ENTREP2: variants seen among roughly 807,000 people sequenced by gnomAD.
ENTREP2 encodes the protein endosomal transmembrane epsin interactor 2, also known as protein ENTREP2.
chr15:29,149,948 A>T, the ENTREP2 span, among the ~76,000 whole-genome samples: 1 of 152,200 alleles, frequency 6.6e-6, no homozygotes, highest in East Asian at 1.9e-4. Context: ...AGGAAACAAC[A>T]GGGCTTCTGA....
At chr15:29,242,359 G>A in the ENTREP2 span, among the ~76,000 whole-genome samples, 26 of 152,230 alleles carry the variant, frequency 1.7e-4, no homozygotes, top group African/African-American at 5.5e-4. Context: ...GTGAGCCACT[G>A]CACCTGGCCA....
chr15:29,647,281 C>T, the ENTREP2 span, among the ~76,000 whole-genome samples: 38 of 152,302 alleles, frequency 2.5e-4, no homozygotes, highest in Non-Finnish European at 4.3e-4. Flanking sequence ...ACTCTAATGT[C>T]CTCTGAAAGC....
chr15:29,634,580 G>C, the ENTREP2 span, among the ~76,000 whole-genome samples: 21 of 152,288 alleles, frequency 1.4e-4, no homozygotes, highest in African/African-American at 4.6e-4. Context: ...ACACCAGCTG[G>C]GTATCCCCCA....
At chr15:29,245,293 G>A in the ENTREP2 span, among the ~76,000 whole-genome samples, 2,999 of 152,148 alleles carry the variant, frequency 0.02, 46 homozygotes, top group Non-Finnish European at 0.029. Flanking sequence ...CTATAAAAGT[G>A]TAGTAACATT....
chr15:29,648,121 G>C, the ENTREP2 span, among the ~76,000 whole-genome samples: 1 of 152,088 alleles, frequency 6.6e-6, no homozygotes, highest in Admixed American at 6.6e-5. Flanking sequence ...CGCCCATTTG[G>C]CACATTTCCT....
At chr15:29,309,778 G>A in the ENTREP2 span, among the ~76,000 whole-genome samples, 8 of 131,942 alleles carry the variant, frequency 6.1e-5, no homozygotes, top group African/African-American at 2.6e-4. Context: ...GACAGAGTAA[G>A]ACTCTGTCTC....
At chr15:29,274,273 A>C in the ENTREP2 span, among the ~76,000 whole-genome samples, 1 of 152,192 alleles carries the variant, frequency 6.6e-6, no homozygotes, top group Non-Finnish European at 1.5e-5. Context: ...AGGCATGTGC[A>C]TTTATTATGT....
chr15:29,617,008 C>T, the ENTREP2 span, among the ~76,000 whole-genome samples: 1 of 152,056 alleles, frequency 6.6e-6, no homozygotes, highest in Non-Finnish European at 1.5e-5. Context: ...TGCAGTGAGC[C>T]GAGATCATGC....
chr15:29,122,809 A>G, the ENTREP2 span: 1 of 153,500 alleles, frequency 6.5e-6, no homozygotes, highest in Non-Finnish European at 1.4e-5. Context: ...AACACTACCT[A>G]TTTCCTTTCA....
chr15:29,673,207 G>T, the ENTREP2 span, among the ~76,000 whole-genome samples: 5 of 152,098 alleles, frequency 3.3e-5, no homozygotes, highest in Admixed American at 3.3e-4. Context: ...ATTATTAAAA[G>T]ACGTCGCCAT....
At chr15:29,233,845 A>G in the ENTREP2 span, 1 of 1,582,974 alleles carries the variant, frequency 6.3e-7, no homozygotes, top group Non-Finnish European at 8.7e-7. Flanking sequence ...GAGTAGAATG[A>G]GGGCTTTCTG....
the ENTREP2 span, among the ~76,000 whole-genome samples, chr15:29,127,560 A>G: frequency 6.6e-6 from 1 of 152,150 alleles, no homozygotes; most frequent in Admixed American, 6.5e-5. Context: ...GGGCTTAGAC[A>G]GGGAAGGGTT....
At chr15:29,535,495 A>G in the ENTREP2 span, among the ~76,000 whole-genome samples, 1 of 152,158 alleles carries the variant, frequency 6.6e-6, no homozygotes, top group African/African-American at 2.4e-5. Flanking sequence ...GTTCAAGACT[A>G]GCCTGGTGAG....
the ENTREP2 span, among the ~76,000 whole-genome samples, chr15:29,321,904 G>A: frequency 6.6e-6 from 1 of 151,866 alleles, no homozygotes; most frequent in South Asian, 2.1e-4. Flanking sequence ...GGATTGATAG[G>A]TGCAGCAAAC....
At chr15:29,239,811 C>G in the ENTREP2 span, among the ~76,000 whole-genome samples, 1 of 152,178 alleles carries the variant, frequency 6.6e-6, no homozygotes, top group African/African-American at 2.4e-5. Context: ...GCTCACACTT[C>G]GTACAAAACT....
the ENTREP2 span, among the ~76,000 whole-genome samples, chr15:29,250,882 T>C: frequency 6.6e-6 from 1 of 152,154 alleles, no homozygotes; most frequent in Non-Finnish European, 1.5e-5. Context: ...GTGCACATCA[T>C]ATAGGGATGA....
the ENTREP2 span, chr15:29,269,427 C>A: frequency 7.4e-6 from 12 of 1,614,018 alleles, no homozygotes; most frequent in Non-Finnish European, 1.0e-5. Context: ...GCAAGAACTG[C>A]ACCAGCTCGG....
chr15:29,649,057 TACACACACAC>T, the ENTREP2 span, among the ~76,000 whole-genome samples: 1,657 of 144,968 alleles, frequency 0.011, 36 homozygotes, highest in African/African-American at 0.04. Flanking sequence ...GGGACACATG[TACACACACAC>T]ACACACACAC....
the ENTREP2 span, among the ~76,000 whole-genome samples, chr15:29,330,319 T>C: frequency 6.7e-6 from 1 of 149,704 alleles, no homozygotes; most frequent in African/African-American, 2.5e-5. Flanking sequence ...AGTGGTGGCA[T>C]GAGCGTGTAG....
Sources: gnomAD v4.1 joint callset for allele counts (sites outside exome capture counted in the v4.1 genomes callset) on GRCh38, gnomAD v4.1.1 for gene constraint, MANE v1.5 for transcripts, NCBI Gene and HGNC (gene_info 2026-07-23, HGNC 2026-07-21) for gene names.